CNTN5: variants seen among roughly 807,000 people sequenced by gnomAD.
The protein encoded by CNTN5 is contactin 5, also known as contactin-5.
Under a neutral mutation model 129.1 loss-of-function variants are expected in CNTN5, and 77 were observed. That is an observed-to-expected ratio of 0.60 (90% confidence interval 0.50 to 0.72). CNTN5 has a LOEUF of 0.72. CNTN5 is among the 30% of genes least tolerant of loss of function. The probability of loss-of-function intolerance (pLI) is 0.00; values close to 1 mark genes in which losing one functional copy is unlikely to be tolerated. For missense variants in CNTN5, 1,478 were observed against 1,328.8 expected, an observed-to-expected ratio of 1.11 and a Z score of -1.75; for synonymous variants, 509 against 465.6, an observed-to-expected ratio of 1.09 and a Z score of -1.20.
intron 3 of CNTN5, among the ~76,000 whole-genome samples, chr11:99,749,272 T>TA (rs1286753811): frequency 2.6e-5 from 4 of 151,628 alleles, no homozygotes; most frequent in Non-Finnish European, 5.9e-5. Context: ...AGAGGGGGAT[T>TA]AAAAAAAAGA....
chr11:99,417,160 C>G (rs1449925620), intron 2 of CNTN5, among the ~76,000 whole-genome samples: 1 of 152,138 alleles, frequency 6.6e-6, no homozygotes, highest in African/African-American at 2.4e-5. Flanking sequence ...CTTGGTCTAA[C>G]TTGTCAAATA....
intron 20 of CNTN5, among the ~76,000 whole-genome samples, chr11:100,307,796 G>T (rs1951386430): frequency 6.6e-6 from 1 of 151,368 alleles, no homozygotes; most frequent in Admixed American, 6.6e-5. Context: ...TAATAATATG[G>T]TATTTTGTGA....
intron 17 of CNTN5, among the ~76,000 whole-genome samples, chr11:100,268,192 GT>G (rs1197695926): frequency 1.3e-5 from 2 of 152,252 alleles, no homozygotes; most frequent in East Asian, 1.9e-4. Flanking sequence ...GACACATTAA[GT>G]TGATGTATCT....
intron 13 of CNTN5, among the ~76,000 whole-genome samples, chr11:100,115,581 G>T (rs901520336): frequency 2.0e-5 from 3 of 151,946 alleles, no homozygotes; most frequent in African/African-American, 7.2e-5. Context: ...GAGAGGTTGG[G>T]GTAGGAGAAA....
chr11:99,139,548 A>C (rs1859411725), intron 1 of CNTN5, among the ~76,000 whole-genome samples: 1 of 152,204 alleles, frequency 6.6e-6, no homozygotes, highest in African/African-American at 2.4e-5. Context: ...ACATTAGTTA[A>C]AGAGCATGTT....
At chr11:99,869,294 T>C (rs1948438738) in intron 6 of CNTN5, among the ~76,000 whole-genome samples, 1 of 152,050 alleles carries the variant, frequency 6.6e-6, no homozygotes, top group Non-Finnish European at 1.5e-5. Context: ...CTCCAAGAAA[T>C]TGTGAATTGT....
At chr11:100,225,806 A>T (rs985013140) in intron 16 of CNTN5, among the ~76,000 whole-genome samples, 1 of 152,224 alleles carries the variant, frequency 6.6e-6, no homozygotes, top group South Asian at 2.1e-4. Context: ...ACTATATTTT[A>T]GATTAACTGG....
At chr11:99,334,759 T>C (rs1466499938) in intron 2 of CNTN5, among the ~76,000 whole-genome samples, 1 of 152,128 alleles carries the variant, frequency 6.6e-6, no homozygotes, top group African/African-American at 2.4e-5. Context: ...TTATTAATAA[T>C]TATCATTTCA....
chr11:99,987,434 C>G (rs552182875), intron 8 of CNTN5, among the ~76,000 whole-genome samples: 18 of 151,328 alleles, frequency 1.2e-4, no homozygotes, highest in African/African-American at 4.4e-4. Context: ...TTCATATATA[C>G]ATAATATATG....
At chr11:99,493,677 G>A (rs1946120160) in intron 2 of CNTN5, among the ~76,000 whole-genome samples, 1 of 152,150 alleles carries the variant, frequency 6.6e-6, no homozygotes, top group South Asian at 2.1e-4. Flanking sequence ...AGAAAAGGCA[G>A]GGTAAAGGGA....
chr11:99,858,580 C>T (rs978450018), intron 6 of CNTN5, among the ~76,000 whole-genome samples: 3 of 137,358 alleles, frequency 2.2e-5, no homozygotes, highest in African/African-American at 5.4e-5. Flanking sequence ...TTAAAACCCT[C>T]ATGAGAAATA....
intron 1 of CNTN5, among the ~76,000 whole-genome samples, chr11:99,227,041 C>G (rs950142509): frequency 2.0e-5 from 3 of 152,038 alleles, no homozygotes; most frequent in Admixed American, 6.6e-5. Flanking sequence ...GATGTTAGTT[C>G]TCTTACTGCA....
chr11:99,855,955 T>A (rs1004873396), intron 6 of CNTN5, among the ~76,000 whole-genome samples: 2 of 152,202 alleles, frequency 1.3e-5, no homozygotes, highest in African/African-American at 4.8e-5. Context: ...ACCAATATAC[T>A]CTTTCCATAA....
intron 1 of CNTN5, among the ~76,000 whole-genome samples, chr11:99,170,102 C>G (rs565446344): frequency 6.6e-6 from 1 of 151,998 alleles, no homozygotes; most frequent in South Asian, 2.1e-4. Flanking sequence ...GTTTATTTTG[C>G]ATGTTATTTA....
chr11:99,961,198 C>G (rs1281794360), intron 8 of CNTN5, among the ~76,000 whole-genome samples: 2 of 95,818 alleles, frequency 2.1e-5, no homozygotes, highest in Non-Finnish European at 3.9e-5. Flanking sequence ...GAGTGAGACT[C>G]CGTCTCAGAA....
At chr11:99,955,996 T>C (rs1950793139) in intron 7 of CNTN5, among the ~76,000 whole-genome samples, 1 of 152,204 alleles carries the variant, frequency 6.6e-6, no homozygotes, top group African/African-American at 2.4e-5. Context: ...AGACTTGTTT[T>C]ATATCCTCTT....
intron 6 of CNTN5, among the ~76,000 whole-genome samples, chr11:99,908,970 A>G (rs140568205): frequency 6.6e-6 from 1 of 152,228 alleles, no homozygotes; most frequent in African/African-American, 2.4e-5. Context: ...GACCTGTTAT[A>G]TATAACCAGA....
At chr11:99,685,789 G>A (rs1953764508) in intron 3 of CNTN5, among the ~76,000 whole-genome samples, 1 of 151,776 alleles carries the variant, frequency 6.6e-6, no homozygotes, top group African/African-American at 2.4e-5. Context: ...TATATTTTCT[G>A]TTTAATTTCC....
At chr11:99,728,945 C>T (rs1468071121) in intron 3 of CNTN5, among the ~76,000 whole-genome samples, 1 of 152,162 alleles carries the variant, frequency 6.6e-6, no homozygotes, top group African/African-American at 2.4e-5. Context: ...TACAACATAA[C>T]TTTTCATCTT....
Sources: allele counts gnomAD v4.1 joint callset (sites outside exome capture counted in the v4.1 genomes callset), GRCh38; gene constraint gnomAD v4.1.1; transcripts MANE v1.5; gene names NCBI Gene and HGNC (gene_info 2026-07-23, HGNC 2026-07-21).